Variants in MTUS2 observed in about 807,000 individuals in gnomAD.
MTUS2 encodes microtubule-associated tumor suppressor candidate 2.
MTUS2 carries 40 observed loss-of-function variants against 114.1 expected under a neutral mutation model. That is an observed-to-expected ratio of 0.35 (90% CI 0.27 to 0.46). MTUS2 has a LOEUF of 0.46. Ranked by LOEUF, MTUS2 falls within the 20% of genes least tolerant of loss-of-function variation. The pLI is 1.00. For missense variants in MTUS2, 1,679 were observed against 1,705.4 expected (o/e 0.98, Z 0.27); for synonymous variants, 688 against 672.0 (o/e 1.02, Z -0.37).
Position 29,100,843 on chromosome 13 carries a change from C to G in MTUS2, c.2517C>G (p.Pro839=). 1 of 1,552,146 alleles carries G rather than the reference C, an allele frequency of 6.4e-7. No homozygotes were observed. Among genetic ancestry groups the G allele is most frequent in the Non-Finnish European group, 8.7e-7 (1 of 1,147,248 alleles). ...TCCCGAAATCTGGTCTCCGTCCTCC[C>G]GGATACTCACGTCTCCCGGCAGCCA... ...SNLPKSGLRP[P]GYSRLPAAKL... The change falls in exon 5 of 16, where the codon CCC becomes CCG. Residue 839 remains proline, a synonymous_variant. Coordinates refer to ENST00000612955, the MANE Select transcript of MTUS2 (RefSeq NM_001033602.4).
At chr13:29,014,399 G>A (rs1260364562) in intron 2 of MTUS2, among the ~76,000 whole-genome samples, 3 of 152,212 alleles carry the variant, frequency 2.0e-5, no homozygotes, top group Admixed American at 2.0e-4. Flanking sequence ...AAAGCTTAAT[G>A]ATGACACCAT....
At chr13:29,381,999 G>C (rs753937523) in intron 8 of MTUS2, among the ~76,000 whole-genome samples, 1 of 152,138 alleles carries the variant, frequency 6.6e-6, no homozygotes, top group Non-Finnish European at 1.5e-5. Flanking sequence ...CTCAGAACGG[G>C]GAATACAACA....
intron 7 of MTUS2, among the ~76,000 whole-genome samples, chr13:29,343,918 C>T (rs1433357843): frequency 6.6e-6 from 1 of 152,138 alleles, no homozygotes; most frequent in Non-Finnish European, 1.5e-5. Context: ...ACCCAATGAT[C>T]ATTCAAGAGC....
At chr13:29,048,675 G>T (rs1754698564) in intron 4 of MTUS2, among the ~76,000 whole-genome samples, 1 of 152,204 alleles carries the variant, frequency 6.6e-6, no homozygotes, top group Non-Finnish European at 1.5e-5. Context: ...TTACTGTATT[G>T]CCCAGGCTGA....
chr13:29,477,521 T>TA (rs1251297490), intron 9 of MTUS2, among the ~76,000 whole-genome samples: 3 of 152,116 alleles, frequency 2.0e-5, no homozygotes, highest in Non-Finnish European at 4.4e-5. Context: ...CAGTCATTGT[T>TA]CATTAAGTTC....
At chr13:29,457,922 A>T (rs969060982) in intron 9 of MTUS2, among the ~76,000 whole-genome samples, 1 of 151,940 alleles carries the variant, frequency 6.6e-6, no homozygotes, top group African/African-American at 2.4e-5. Context: ...TTTTTTTTAA[A>T]TGTAGATTTT....
chr13:29,443,181 G>C (rs17073389), intron 9 of MTUS2, among the ~76,000 whole-genome samples: 21,837 of 152,212 alleles, frequency 0.14, 3,287 homozygotes, highest in African/African-American at 0.38. Flanking sequence ...CGATGAAGCA[G>C]TCTGTAAAGG....
chr13:29,336,714 A>C (rs1247479636), intron 7 of MTUS2, among the ~76,000 whole-genome samples: 1 of 152,246 alleles, frequency 6.6e-6, no homozygotes, highest in South Asian at 2.1e-4. Context: ...GGAAGGAACA[A>C]CATTTAAGTC....
At chr13:29,305,944 CA>C (rs1899429782) in intron 6 of MTUS2, among the ~76,000 whole-genome samples, 1 of 152,192 alleles carries the variant, frequency 6.6e-6, no homozygotes, top group Non-Finnish European at 1.5e-5. Flanking sequence ...CCACCATGAT[CA>C]AGTTGGCTTC....
At chr13:29,107,672 C>G (rs138537869) in intron 5 of MTUS2, among the ~76,000 whole-genome samples, 7 of 152,218 alleles carry the variant, frequency 4.6e-5, no homozygotes, top group African/African-American at 1.7e-4. Flanking sequence ...TATCCAGTAA[C>G]CTATATATCT....
intron 8 of MTUS2, among the ~76,000 whole-genome samples, chr13:29,363,800 A>G (rs1870471240): frequency 6.6e-6 from 1 of 152,216 alleles, no homozygotes; most frequent in Non-Finnish European, 1.5e-5. Context: ...GGGAGGATTC[A>G]AAAAAGTAAG....
At chr13:29,313,205 CA>C (rs776491859) in intron 6 of MTUS2, among the ~76,000 whole-genome samples, 11 of 152,134 alleles carry the variant, frequency 7.2e-5, no homozygotes, top group Non-Finnish European at 1.2e-4. Context: ...GCTCTCCCTA[CA>C]GGAGGCATGG....
At chr13:29,410,106 C>A (rs1275896058) in intron 8 of MTUS2, among the ~76,000 whole-genome samples, 1 of 147,396 alleles carries the variant, frequency 6.8e-6, no homozygotes, top group Non-Finnish European at 1.5e-5. Context: ...CGAACCCTTG[C>A]CCATCGAATA....
intron 7 of MTUS2, among the ~76,000 whole-genome samples, chr13:29,357,256 A>G (rs1869827745): frequency 6.6e-6 from 1 of 152,188 alleles, no homozygotes; most frequent in Admixed American, 6.5e-5. Context: ...CCCAGAAATA[A>G]ATCTAACAGC....
chr13:29,050,942 A>G (rs1012045160), intron 4 of MTUS2, among the ~76,000 whole-genome samples: 8 of 152,188 alleles, frequency 5.3e-5, no homozygotes, highest in African/African-American at 1.9e-4. Context: ...AGAGTGAGAG[A>G]GGAAGTAGGG....
intron 7 of MTUS2, among the ~76,000 whole-genome samples, chr13:29,358,267 G>A (rs543782972): frequency 7.2e-5 from 11 of 152,174 alleles, no homozygotes; most frequent in African/African-American, 2.2e-4. Flanking sequence ...GCCCATGCAC[G>A]GGTCTTGGAC....
intron 8 of MTUS2, among the ~76,000 whole-genome samples, chr13:29,410,264 A>G (rs935097797): frequency 5.9e-5 from 9 of 152,034 alleles, no homozygotes; most frequent in African/African-American, 2.2e-4. Flanking sequence ...AGCTGGGATT[A>G]CAGGTGCCCG....
chr13:29,296,471 A>G (rs1414108462), intron 6 of MTUS2, among the ~76,000 whole-genome samples: 1 of 152,084 alleles, frequency 6.6e-6, no homozygotes, highest in Non-Finnish European at 1.5e-5. Context: ...TTGACCTCCC[A>G]AAGTGGCATT....
In MTUS2 at chr13:29,504,724, C is replaced by A; in HGVS notation, c.*1518C>A. On this transcript the variant is annotated 3_prime_UTR_variant, in exon 16 of 16. Transcript: ENST00000612955. Reference sequence around the variant, plus strand: ...ACAGATATGGTGATGATGATGATGCCCTTGTTTCCTGTATGTGACAAAGAC... The same window carrying A: ...ACAGATATGGTGATGATGATGATGCACTTGTTTCCTGTATGTGACAAAGAC... 1 of 233,248 alleles carries A rather than the reference C, an allele frequency of 4.3e-6. No homozygotes were observed. The highest frequency in any genetic ancestry group is 8.5e-6 in the Non-Finnish European group (1 of 118,068). The allele number at this position is 233,248 out of a possible 1,614,324, so 14.4% of individuals were successfully genotyped here. A position where few individuals can be genotyped will look rare whatever the true frequency, so the allele number is the denominator to read the frequency against.
Sources: gnomAD v4.1 joint callset for allele counts (sites outside exome capture counted in the v4.1 genomes callset) on GRCh38, gnomAD v4.1.1 for gene constraint, MANE v1.5 for transcripts, NCBI Gene and HGNC (gene_info 2026-07-23, HGNC 2026-07-21) for gene names.